Variants in PRKN observed in about 807,000 individuals in gnomAD.
PRKN encodes parkin RBR E3 ubiquitin protein ligase.
A neutral mutation model predicts 59.5 loss-of-function variants in PRKN; 56 were observed. The observed-to-expected ratio is 0.94, with a 90% CI of 0.76 to 1.18. The LOEUF is 1.18. Ranked by LOEUF, PRKN falls within the 50% of genes most tolerant of loss-of-function variation. PRKN has a pLI of 0.00. For synonymous variants in PRKN, 250 were observed against 222.1 expected, an observed-to-expected ratio of 1.13 and a Z score of -1.12; for missense variants, 657 against 596.4, an observed-to-expected ratio of 1.10 and a Z score of -1.06.
intron 1 of PRKN, among the ~76,000 whole-genome samples, chr6:162,676,410 G>C (rs1269097090): frequency 6.6e-6 from 1 of 152,112 alleles, no homozygotes; most frequent in African/African-American, 2.4e-5. Flanking sequence ...GATTGGGCTT[G>C]CCAAATTTAA....
intron 7 of PRKN, among the ~76,000 whole-genome samples, chr6:161,661,742 G>A (rs1239337623): frequency 6.6e-6 from 1 of 152,166 alleles, no homozygotes; most frequent in Non-Finnish European, 1.5e-5. Context: ...GTACAAGTAC[G>A]CTGGGCACAG....
intron 6 of PRKN, among the ~76,000 whole-genome samples, chr6:161,915,469 A>G (rs1232549802): frequency 6.6e-6 from 1 of 152,160 alleles, no homozygotes; most frequent in Non-Finnish European, 1.5e-5. Flanking sequence ...TCCAAAATAG[A>G]GTTTTAATTT....
chr6:162,232,376 C>T (rs1280355761), intron 3 of PRKN, among the ~76,000 whole-genome samples: 2 of 152,158 alleles, frequency 1.3e-5, no homozygotes, highest in East Asian at 1.9e-4. Context: ...AGGATGATGA[C>T]CAGGAGAAAG....
intron 2 of PRKN, among the ~76,000 whole-genome samples, chr6:162,367,098 G>A (rs549126592): frequency 1.3e-5 from 2 of 152,134 alleles, no homozygotes; most frequent in East Asian, 1.9e-4. Flanking sequence ...TTACCCCCAT[G>A]CCTGCTGTTC....
chr6:162,010,315 T>C (rs1375166334), intron 5 of PRKN, among the ~76,000 whole-genome samples: 12 of 123,234 alleles, frequency 9.7e-5, no homozygotes, highest in Admixed American at 2.1e-4. Context: ...ATATATATTT[T>C]ATATATTTAT....
At chr6:161,496,400 C>T (rs138632373) in intron 9 of PRKN, among the ~76,000 whole-genome samples, 114 of 152,364 alleles carry the variant, frequency 7.5e-4, no homozygotes, top group African/African-American at 2.6e-3. Context: ...TAAAGACATA[C>T]TCGACACTGG....
chr6:162,316,272 G>A (rs538170875), intron 2 of PRKN, among the ~76,000 whole-genome samples: 37 of 151,878 alleles, frequency 2.4e-4, no homozygotes, highest in Admixed American at 1.1e-3. Flanking sequence ...TTCCACAGCC[G>A]GATGTGATAG....
chr6:162,089,270 A>G (rs1779376417), intron 4 of PRKN, among the ~76,000 whole-genome samples: 1 of 152,210 alleles, frequency 6.6e-6, no homozygotes, highest in African/African-American at 2.4e-5. Context: ...AGGAAGTTAT[A>G]CAAATGGCCC....
intron 5 of PRKN, among the ~76,000 whole-genome samples, chr6:162,013,832 T>C (rs992105505): frequency 6.6e-6 from 1 of 152,210 alleles, no homozygotes; most frequent in Admixed American, 6.5e-5. Flanking sequence ...AAGTATGTAG[T>C]AAATAATTCA....
chr6:162,515,100 G>C, intron 1 of PRKN, among the ~76,000 whole-genome samples: 1 of 82,560 alleles, frequency 1.2e-5, no homozygotes, highest in Non-Finnish European at 2.6e-5. Flanking sequence ...TTTTTTTTTT[G>C]AGATGGAGTT....
chr6:162,673,637 C>T (rs1339286109), intron 1 of PRKN, among the ~76,000 whole-genome samples: 1 of 152,206 alleles, frequency 6.6e-6, no homozygotes, highest in Non-Finnish European at 1.5e-5. Context: ...CCACCCACCT[C>T]GGCCTCCTAA....
intron 6 of PRKN, among the ~76,000 whole-genome samples, chr6:161,907,755 A>AACTT (rs1778202621): frequency 6.6e-6 from 1 of 152,164 alleles, no homozygotes; most frequent in African/African-American, 2.4e-5. Context: ...CAAAGGTGCA[A>AACTT]ACTTAAGAAG....
chr6:161,617,182 T>C (rs1782729467), intron 7 of PRKN, among the ~76,000 whole-genome samples: 2 of 152,252 alleles, frequency 1.3e-5, no homozygotes, highest in South Asian at 2.1e-4. Context: ...TTTTTTCATA[T>C]GCTTGTTGGC....
At chr6:162,175,104 C>T (rs1783472381) in intron 4 of PRKN, among the ~76,000 whole-genome samples, 1 of 152,186 alleles carries the variant, frequency 6.6e-6, no homozygotes, top group African/African-American at 2.4e-5. Context: ...GTTACATTTG[C>T]AAGCAGCAGA....
At chr6:161,813,184 C>T (rs576512789) in intron 6 of PRKN, among the ~76,000 whole-genome samples, 8 of 152,218 alleles carry the variant, frequency 5.3e-5, no homozygotes, top group African/African-American at 1.9e-4. Context: ...GTTGGATTTC[C>T]TAAAGGAGAG....
At chr6:162,010,164 C>T (rs982774528) in intron 5 of PRKN, among the ~76,000 whole-genome samples, 4 of 145,476 alleles carry the variant, frequency 2.7e-5, no homozygotes, top group African/African-American at 7.7e-5. Context: ...AGGGAGACCC[C>T]TCGCAGAATC....
At position 161,568,124 on chromosome 6, in the gene PRKN, C is replaced by T. The variant is rs965449628; in HGVS notation, c.933+1231G>A. Among the ~76,000 whole-genome samples, 33 of 152,222 alleles carry T rather than the reference C, an allele frequency of 2.2e-4. 1 individual carries two copies. The highest frequency in any genetic ancestry group is 7.7e-4 in the African/African-American group (32 of 41,468). On this transcript the variant is annotated intron_variant, in intron 8 of 11. Transcript: ENST00000366898. ...AGTGATTCCAGTTTCTTATCCTCTC[C>T]TTACTAATCCTTTTGTTTTTATTCT...
chr6:161,572,755 A>G (rs1490262794), intron 7 of PRKN, among the ~76,000 whole-genome samples: 2 of 152,224 alleles, frequency 1.3e-5, no homozygotes, highest in African/African-American at 4.8e-5. Flanking sequence ...GGTACTGTAG[A>G]GAAGGAAAAC....
chr6:161,839,364 C>T lies in PRKN; in HGVS notation c.735-53456G>A, dbSNP rs899654714. Among the ~76,000 whole-genome samples, 11 of 152,136 alleles carry T rather than the reference C, an allele frequency of 7.2e-5. No individual in the cohort carries two copies. In the South Asian group the frequency reaches 1.9e-3, roughly 26 times the overall value. ...TAAGGCTGCACTAAGTCGGGGGTCA[C>T]GGCTAGTAATAATAAGCAAATCACT... On this transcript the variant is annotated intron_variant, in intron 6 of 11. Coordinates refer to ENST00000366898, the MANE Select transcript of PRKN (RefSeq NM_004562.3).
Sources: allele counts gnomAD v4.1 joint callset (sites outside exome capture counted in the v4.1 genomes callset), GRCh38; gene constraint gnomAD v4.1.1; transcripts MANE v1.5; gene names NCBI Gene and HGNC (gene_info 2026-07-23, HGNC 2026-07-21).